GALNT7: variants seen among roughly 807,000 people sequenced by gnomAD.
GALNT7 encodes the protein polypeptide N-acetylgalactosaminyltransferase 7.
Under a neutral mutation model 82.1 loss-of-function variants are expected in GALNT7, and 60 were observed. The observed-to-expected ratio is 0.73, with a 90% confidence interval of 0.59 to 0.91. The LOEUF is 0.91. Ranked by LOEUF, GALNT7 falls within the 40% of genes least tolerant of loss-of-function variation. The pLI is 0.00. For synonymous variants in GALNT7, 243 were observed against 275.1 expected, an observed-to-expected ratio of 0.88 and a Z score of 1.15; for missense variants, 660 against 804.2, an observed-to-expected ratio of 0.82 and a Z score of 2.17.
At chr4:173,282,353 C>G (rs1025928685) in intron 2 of GALNT7, 1 of 152,210 alleles carries the variant, frequency 6.6e-6, no homozygotes, top group African/African-American at 2.4e-5. Flanking sequence ...GAAGAACAAA[C>G]GGCTTCTTTT....
At chr4:173,319,062 A>G (rs1340698959) in intron 11 of GALNT7, among the ~76,000 whole-genome samples, 1 of 152,064 alleles carries the variant, frequency 6.6e-6, no homozygotes, top group Non-Finnish European at 1.5e-5. Flanking sequence ...CAGTGGGATA[A>G]ATGTAGCTAG....
At chr4:173,298,786 A>G (rs1488774606) in intron 6 of GALNT7, among the ~76,000 whole-genome samples, 1 of 152,220 alleles carries the variant, frequency 6.6e-6, no homozygotes, top group Non-Finnish European at 1.5e-5. Flanking sequence ...CTGTTATGTT[A>G]ACTCTCAAAT....
intron 2 of GALNT7, among the ~76,000 whole-genome samples, chr4:173,289,428 A>G (rs1736458329): frequency 6.6e-6 from 1 of 152,220 alleles, no homozygotes; most frequent in Admixed American, 6.5e-5. Flanking sequence ...GAGAGAAGAA[A>G]TGCTCCACAG....
At chr4:173,282,956 A>C (rs1736167742) in intron 2 of GALNT7, among the ~76,000 whole-genome samples, 1 of 152,184 alleles carries the variant, frequency 6.6e-6, no homozygotes, top group African/African-American at 2.4e-5. Flanking sequence ...TACCTGGCAG[A>C]ATTTGTAGGA....
intron 2 of GALNT7, among the ~76,000 whole-genome samples, chr4:173,257,160 G>A (rs1475176261): frequency 6.6e-6 from 1 of 152,176 alleles, no homozygotes; most frequent in East Asian, 1.9e-4. Flanking sequence ...AGTTAGGGGA[G>A]GCTTCCTTCC....
intron 1 of GALNT7, among the ~76,000 whole-genome samples, chr4:173,207,771 C>T (rs1165248472): frequency 6.6e-6 from 1 of 152,120 alleles, no homozygotes; most frequent in African/African-American, 2.4e-5. Context: ...ATTGTTGGAT[C>T]AAAAAGTATG....
At chr4:173,206,742 A>G (rs1733111544) in intron 1 of GALNT7, among the ~76,000 whole-genome samples, 1 of 152,220 alleles carries the variant, frequency 6.6e-6, no homozygotes, top group Non-Finnish European at 1.5e-5. Flanking sequence ...CACCCTCCAC[A>G]GGAATTTTGT....
At position 173,323,648 on chromosome 4, in the gene GALNT7, T is replaced by G. The variant is rs1670065097; in HGVS notation, c.*1931T>G. On this transcript the variant is annotated 3_prime_UTR_variant, in exon 12 of 12. Coordinates refer to ENST00000265000, the MANE Select transcript of GALNT7 (RefSeq NM_017423.3). ...CAATTCGTTAAAAGAAGATACTCTATGAATATGATTCTATATATTGAAATC... is the reference window on the plus strand; with the variant it reads ...CAATTCGTTAAAAGAAGATACTCTAGGAATATGATTCTATATATTGAAATC... 1 of 152,596 alleles carries G rather than the reference T, an allele frequency of 6.6e-6. No individual in the cohort carries two copies. Among genetic ancestry groups the G allele is most frequent in the Non-Finnish European group, 1.5e-5 (1 of 67,994 alleles). The allele number at this position is 152,596 out of a possible 1,614,324, so 9.5% of individuals were successfully genotyped here.
intron 8 of GALNT7, among the ~76,000 whole-genome samples, chr4:173,304,354 G>A (rs565458396): frequency 3.3e-5 from 5 of 151,546 alleles, no homozygotes; most frequent in African/African-American, 1.2e-4. Flanking sequence ...AGCTATGATT[G>A]CACCACTGCA....
intron 1 of GALNT7, among the ~76,000 whole-genome samples, chr4:173,172,569 A>G (rs1323030674): frequency 6.6e-6 from 1 of 152,140 alleles, no homozygotes; most frequent in South Asian, 2.1e-4. Flanking sequence ...CGGCCTGACC[A>G]TCACCTGATG....
At chr4:173,281,879 G>A (rs1306102862) in intron 2 of GALNT7, among the ~76,000 whole-genome samples, 1 of 152,092 alleles carries the variant, frequency 6.6e-6, no homozygotes, top group Non-Finnish European at 1.5e-5. Context: ...AACTTGTTCT[G>A]TTGCAGTTTT....
chr4:173,230,165 T>C (rs1486409258), intron 1 of GALNT7, among the ~76,000 whole-genome samples: 3 of 152,208 alleles, frequency 2.0e-5, no homozygotes, highest in African/African-American at 2.4e-5. Flanking sequence ...AATTATTGCA[T>C]ATTATTTGCC....
At chr4:173,256,555 C>T (rs1439074751) in intron 2 of GALNT7, among the ~76,000 whole-genome samples, 2 of 151,576 alleles carry the variant, frequency 1.3e-5, no homozygotes, top group East Asian at 3.9e-4. Context: ...CCCTCCCTCC[C>T]TCCCTTCCTT....
intron 1 of GALNT7, among the ~76,000 whole-genome samples, chr4:173,189,960 G>C (rs1185644162): frequency 6.6e-6 from 1 of 151,364 alleles, no homozygotes; most frequent in East Asian, 1.9e-4. Context: ...TTAAAATATA[G>C]ATTTGGCTAC....
intron 1 of GALNT7, among the ~76,000 whole-genome samples, chr4:173,210,874 A>G (rs1407947262): frequency 6.6e-6 from 1 of 152,236 alleles, no homozygotes; most frequent in Non-Finnish European, 1.5e-5. Context: ...AAGTGGAAAA[A>G]TAAATGCAAG....
At chr4:173,312,870 C>T (rs1396102166) in intron 8 of GALNT7, among the ~76,000 whole-genome samples, 4 of 152,064 alleles carry the variant, frequency 2.6e-5, no homozygotes, top group Non-Finnish European at 5.9e-5. Context: ...ACCAGTCTGG[C>T]CAACATGGTG....
chr4:173,218,624 TTTAAG>T (rs1484346488), intron 1 of GALNT7, among the ~76,000 whole-genome samples: 2 of 152,208 alleles, frequency 1.3e-5, no homozygotes, highest in Non-Finnish European at 2.9e-5. Flanking sequence ...TTCCTGTTTC[TTTAAG>T]TTAAGCATTG....
intron 2 of GALNT7, among the ~76,000 whole-genome samples, chr4:173,281,953 G>A (rs564544536): frequency 8.5e-5 from 13 of 152,218 alleles, no homozygotes; most frequent in African/African-American, 2.2e-4. Context: ...TCTTTGTCCT[G>A]CATCCAAAAA....
At chr4:173,309,036 G>T (rs933084062) in intron 8 of GALNT7, among the ~76,000 whole-genome samples, 1 of 152,002 alleles carries the variant, frequency 6.6e-6, no homozygotes, top group Non-Finnish European at 1.5e-5. Context: ...TATAGAACTA[G>T]GATTGATAAT....
Sources: allele counts gnomAD v4.1 joint callset (sites outside exome capture counted in the v4.1 genomes callset), GRCh38; gene constraint gnomAD v4.1.1; transcripts MANE v1.5; gene names NCBI Gene and HGNC (gene_info 2026-07-23, HGNC 2026-07-21).